The following BUB1 variants were observed in gnomAD, a reference collection of about 807,000 sequenced individuals.
BUB1 encodes mitotic checkpoint serine/threonine-protein kinase BUB1.
Under a neutral mutation model 135.2 loss-of-function variants are expected in BUB1, and 84 were observed. The observed-to-expected ratio is 0.62, with a 90% CI of 0.52 to 0.74. The LOEUF (loss-of-function observed/expected upper bound fraction) is 0.74, where lower values mean the gene tolerates loss of function less well. Ranked by LOEUF, BUB1 falls within the 30% of genes least tolerant of loss-of-function variation. BUB1 has a pLI of 0.00. For synonymous variants in BUB1, 403 were observed against 434.4 expected, an observed-to-expected ratio of 0.93 and a Z score of 0.90; for missense variants, 1,162 against 1,288.3, an observed-to-expected ratio of 0.90 and a Z score of 1.50.
chr2:110,660,074 A>G, intron 10 of BUB1, 38 bp from the exon 11 acceptor site: 1 of 1,569,458 alleles, frequency 6.4e-7, no homozygotes, highest in Non-Finnish European at 8.8e-7. Flanking sequence ...TAGAGAATAA[A>G]ATGCTTGATC....
At chr2:110,655,997 T>C in intron 15 of BUB1, 81 bp from the exon 16 acceptor site, 1 of 1,317,952 alleles carries the variant, frequency 7.6e-7, no homozygotes, top group Non-Finnish European at 1.1e-6. Flanking sequence ...CACTTTAAGA[T>C]CCAAAGAAAT....
At chr2:110,651,661 C>CCACT (rs962695056) in intron 17 of BUB1, among the ~76,000 whole-genome samples, 8 of 152,286 alleles carry the variant, frequency 5.3e-5, no homozygotes, top group Admixed American at 3.9e-4. Context: ...CGTTCACTCA[C>CCACT]CACTCACTCA....
intron 6 of BUB1, 63 bp from the exon 7 acceptor site, chr2:110,667,912 C>T (rs1010867419): frequency 6.7e-7 from 1 of 1,502,556 alleles, no homozygotes; most frequent in Non-Finnish European, 9.1e-7. Flanking sequence ...ACCCAAATTA[C>T]TTCACAAAAC....
chr2:110,662,896 G>A lies in BUB1; in HGVS notation c.958-1055C>T, dbSNP rs188411189. Among the ~76,000 whole-genome samples the A allele has an allele frequency of 5.3e-3, 804 of 152,234 alleles. 23 individuals are homozygous for A. The highest frequency in any genetic ancestry group is 0.047 in the Admixed American group (722 of 15,290). ...AAATATAAAAACCTCATCCTCATTC[G>A]TCAGCAAAAATGATAACCTACACCA... On this transcript the variant is annotated intron_variant, in intron 9 of 24. Coordinates refer to ENST00000302759, the MANE Select transcript of BUB1 (RefSeq NM_004336.5).
chr2:110,654,134 G>T (rs1689859319), intron 16 of BUB1, among the ~76,000 whole-genome samples: 1 of 152,148 alleles, frequency 6.6e-6, no homozygotes, highest in South Asian at 2.1e-4. Context: ...GAAGTTACTG[G>T]TACGGATGGC....
rs150955523 is a variant in BUB1 at position 110,662,610 on chromosome 2, G to A, written c.958-769C>T. Among the ~76,000 whole-genome samples, 256 of 152,272 alleles carry A rather than the reference G, an allele frequency of 1.7e-3. 1 individual carries two copies. Among genetic ancestry groups the A allele is most frequent in the African/African-American group, 6.0e-3 (251 of 41,546 alleles). Reference sequence around the variant, plus strand: ...AGCTCAAGAGTTTGAGACCAGGCTAGGCAACATGGCAAAACCCTGTCTCTA... The same window carrying A: ...AGCTCAAGAGTTTGAGACCAGGCTAAGCAACATGGCAAAACCCTGTCTCTA... On this transcript the variant is annotated intron_variant, in intron 9 of 24. Transcript: ENST00000302759.
chr2:110,641,709 T>A lies in BUB1; in HGVS notation c.2558A>T (p.Tyr853Phe), dbSNP rs940408647. 1.2e-6 allele frequency: 2 copies of A among 1,613,148 alleles called. No individual in the cohort carries two copies. Among genetic ancestry groups the A allele is most frequent in the Non-Finnish European group, 1.7e-6 (2 of 1,179,948 alleles). Reference protein sequence around the residue: ...PSMQHMFMKFYSAHLFQNGSV... With the variant: ...PSMQHMFMKFFSAHLFQNGSV... ...GCCATTCTGGAATAAGTGGGCAGAATAGAACTTCATAAACATGTGCTGCAT... is the reference window on the plus strand; with the variant it reads ...GCCATTCTGGAATAAGTGGGCAGAAAAGAACTTCATAAACATGTGCTGCAT... Residue 853 changes from tyrosine (Y) to phenylalanine (F), a missense_variant, in exon 21 of 25, where the codon TAT becomes TTT. By Grantham distance (22) the Tyr-to-Phe change is conservative (BLOSUM62 3). Coordinates refer to ENST00000302759, the MANE Select transcript of BUB1 (RefSeq NM_004336.5).
At chr2:110,659,935 G>C (rs1414997448) in intron 11 of BUB1, 43 bp downstream of exon 11, 1 of 1,547,696 alleles carries the variant, frequency 6.5e-7, no homozygotes, top group South Asian at 1.1e-5. Context: ...GAGTGATACA[G>C]AGGAATCTGG....
chr2:110,661,457 T>C, intron 10 of BUB1, 125 bp downstream of exon 10: 3 of 1,222,436 alleles, frequency 2.5e-6, no homozygotes, highest in Non-Finnish European at 2.2e-6. Flanking sequence ...ACAACATACC[T>C]ATCTAAAAAT....
chr2:110,645,075 A>G (rs1374391942), intron 19 of BUB1, among the ~76,000 whole-genome samples: 1 of 152,194 alleles, frequency 6.6e-6, no homozygotes. Context: ...ATCACTTTAA[A>G]TATCAGTGGT....
Position 110,639,799 on chromosome 2 carries a change from G to C in BUB1, c.3005C>G (p.Thr1002Ser), listed in dbSNP as rs757336873. Residue 1002 changes from threonine to serine, a missense_variant, in exon 24 of 25, where the codon ACT becomes AGT. Coordinates refer to ENST00000302759, the MANE Select transcript of BUB1 (RefSeq NM_004336.5). ...AATVYCMLFG[T>S]YMKVKNEGGE... Reference sequence around the variant, plus strand: ...TCCTTCATTTTTCACTTTCATGTAAGTGCCAAAGAGCATGCAATATACTGT... The same window carrying C: ...TCCTTCATTTTTCACTTTCATGTAACTGCCAAAGAGCATGCAATATACTGT... 33 of 1,613,738 alleles carry C rather than the reference G, an allele frequency of 2.0e-5. No individual in the cohort carries two copies. Among genetic ancestry groups the C allele is most frequent in the Non-Finnish European group, 2.7e-5 (32 of 1,179,984 alleles).
rs1689694703 is a variant in BUB1 at position 110,648,247 on chromosome 2, CAAGGG to C, written c.2347+982_2347+986del. On this transcript the variant is annotated intron_variant, in intron 19 of 24. Coordinates refer to ENST00000302759, the MANE Select transcript of BUB1 (RefSeq NM_004336.5). The surrounding 1 kb of genome is among the most constrained non-coding windows in gnomAD (Gnocchi z 4.2). ...AAAGCTATCAAATCATGAAATGACACAAGGGAACCTTAAATGCATATTGCTAAGTA... is the reference window on the plus strand; with the variant it reads ...AAAGCTATCAAATCATGAAATGACACAACCTTAAATGCATATTGCTAAGTA... 1.3e-5 allele frequency among the ~76,000 whole-genome samples: 2 copies of C among 151,080 alleles called. No homozygotes were observed. The highest frequency in any genetic ancestry group is 6.6e-5 in the Admixed American group (1 of 15,186).
chr2:110,671,098 G>A (rs1690407124), intron 4 of BUB1, among the ~76,000 whole-genome samples: 2 of 152,162 alleles, frequency 1.3e-5, no homozygotes, highest in Admixed American at 6.5e-5. Flanking sequence ...TGACATTTCT[G>A]AGCGATGCGA....
At chr2:110,673,339 C>A (rs1343310927) in intron 3 of BUB1, among the ~76,000 whole-genome samples, 1 of 152,194 alleles carries the variant, frequency 6.6e-6, no homozygotes, top group Non-Finnish European at 1.5e-5. Flanking sequence ...GCCACTCATG[C>A]AAACTGATCG....
chr2:110,667,333 C>T (rs908437615), intron 8 of BUB1, among the ~76,000 whole-genome samples, 188 bp downstream of exon 8: 1 of 151,980 alleles, frequency 6.6e-6, no homozygotes, highest in Non-Finnish European at 1.5e-5. Flanking sequence ...CAGCTTGCTG[C>T]CAGCGCAGTT....
In BUB1 at chr2:110,672,783, A is replaced by C; in HGVS notation, c.300T>G (p.Pro100=). The C allele has an allele frequency of 6.2e-7, 1 of 1,614,094 alleles. No homozygotes were observed. Among genetic ancestry groups the C allele is most frequent in the Non-Finnish European group, 8.5e-7 (1 of 1,179,994 alleles). ...YNHGIGTLSS[P]LYIAWAGHLE... ...GATGCCCCGCCCAGGCAATGTACAG[A>C]GGGGATGACAGGGTTCCAATCCCAT... Residue 100 remains proline, a synonymous_variant, in exon 4 of 25, where the codon CCT becomes CCG. Transcript: ENST00000302759.
At chr2:110,650,916 A>T in intron 17 of BUB1, 132 bp from the exon 18 acceptor site, 1 of 805,610 alleles carries the variant, frequency 1.2e-6, no homozygotes, top group Non-Finnish European at 2.0e-6. Flanking sequence ...AAAGTTGATT[A>T]AAGCATTTTT....
At chr2:110,657,176 C>A in intron 14 of BUB1, 59 bp from the exon 15 acceptor site, 1 of 1,425,012 alleles carries the variant, frequency 7.0e-7, no homozygotes, top group South Asian at 1.2e-5. Context: ...TAAATGCTAT[C>A]ACTTGACCAT....
intron 5 of BUB1, among the ~76,000 whole-genome samples, chr2:110,670,177 C>T (rs983156665): frequency 2.5e-5 from 3 of 120,356 alleles, no homozygotes; most frequent in African/African-American, 9.7e-5. Context: ...CTCACTCTGT[C>T]GCCCGGGCTG....
Sources: gnomAD v4.1 joint callset for allele counts (sites outside exome capture counted in the v4.1 genomes callset) on GRCh38, gnomAD v4.1.1 for gene constraint, Gnocchi (gnomAD v3.1) non-coding constraint, MANE v1.5 for transcripts, NCBI Gene and HGNC (gene_info 2026-07-23, HGNC 2026-07-21) for gene names.